Variants in RORA observed in about 807,000 individuals in gnomAD.
RORA encodes RAR related orphan receptor A.
In RORA, 7 loss-of-function variants were observed where a neutral mutation model predicts 69.5. The ratio of observed to expected loss-of-function variants is 0.10; its 90% CI spans 0.06 to 0.19. The LOEUF (loss-of-function observed/expected upper bound fraction) is 0.19. RORA is among the 10% of genes least tolerant of loss of function. RORA has a pLI of 1.00. For synonymous variants in RORA, 261 were observed against 240.8 expected (o/e 1.08, Z -0.78); for missense variants, 457 against 663.0 (o/e 0.69, Z 3.41).
chr15:60,741,515 G>A lies in RORA; in HGVS notation c.167-62829C>T, dbSNP rs546167056. On this transcript the variant is annotated intron_variant, in intron 1 of 10. Transcript: ENST00000335670. Reference sequence around the variant, plus strand: ...AGAGAATGGAATAAAGCAGAGGATAGGGTCAGACAGACTGAAAATTCTCAG... The same window carrying A: ...AGAGAATGGAATAAAGCAGAGGATAAGGTCAGACAGACTGAAAATTCTCAG... 7.9e-5 allele frequency among the ~76,000 whole-genome samples: 12 copies of A among 152,348 alleles called. No individual in the cohort carries two copies. In the East Asian group the frequency reaches 1.3e-3, roughly 17 times the overall value.
chr15:61,018,672 T>C (rs1311238459), intron 1 of RORA, among the ~76,000 whole-genome samples: 1 of 152,176 alleles, frequency 6.6e-6, no homozygotes, highest in Non-Finnish European at 1.5e-5. Flanking sequence ...AACATGTGCA[T>C]AGGTACTCAT....
At chr15:61,020,549 TACAAC>T (rs1895474360) in intron 1 of RORA, among the ~76,000 whole-genome samples, 1 of 152,190 alleles carries the variant, frequency 6.6e-6, no homozygotes, top group Non-Finnish European at 1.5e-5. Context: ...TGGCTATTGT[TACAAC>T]AACCAAGGCT....
chr15:61,013,853 G>A (rs1390681037), intron 1 of RORA, among the ~76,000 whole-genome samples: 2 of 144,234 alleles, frequency 1.4e-5, no homozygotes, highest in Non-Finnish European at 3.0e-5. Flanking sequence ...GCGCAATTTC[G>A]GCTCACTGCA....
intron 1 of RORA, among the ~76,000 whole-genome samples, chr15:61,018,505 G>T (rs776958610): frequency 6.6e-6 from 1 of 152,158 alleles, no homozygotes; most frequent in Non-Finnish European, 1.5e-5. Context: ...GTATGTGTAT[G>T]TGTAGTGTGT....
At position 60,492,006 on chromosome 15, in the gene RORA, CATGTT is replaced by C. The variant is rs2065049166; in HGVS notation, c.*5444_*5448del. ...ATAACTTTATAAGAAGTGGCAATCA[CATGTT>C]ATGTAAAAATGTCAACGTGTGTGTG... On this transcript the variant is annotated 3_prime_UTR_variant, in exon 11 of 11. Transcript: ENST00000335670. 1.7e-5 allele frequency: 1 copy of C among 58,526 alleles called. No individual in the cohort carries two copies. The highest frequency in any genetic ancestry group is 3.6e-5 in the Non-Finnish European group (1 of 28,146). The allele number at this position is 58,526 out of a possible 1,614,324, so 3.6% of individuals were successfully genotyped here.
intron 1 of RORA, among the ~76,000 whole-genome samples, chr15:60,893,446 TC>T (rs1424514570): frequency 6.6e-6 from 1 of 152,156 alleles, no homozygotes; most frequent in Non-Finnish European, 1.5e-5. Context: ...AAACCCCCAC[TC>T]CGCGCCCCTG....
chr15:60,731,395 T>C (rs1000772870), intron 1 of RORA, among the ~76,000 whole-genome samples: 4 of 152,184 alleles, frequency 2.6e-5, no homozygotes, highest in African/African-American at 9.7e-5. Context: ...CATGCTTCCA[T>C]CTGAAAACAC....
In RORA at chr15:60,499,996, A is replaced by G; in HGVS notation, c.1303T>C (p.Trp435Arg). Residue 435 changes from tryptophan (W) to arginine (R), a missense_variant, in exon 10 of 11, where the codon TGG becomes CGG. Coordinates refer to ENST00000335670, the MANE Select transcript of RORA (RefSeq NM_134261.3). ...AFVLMSADRS[W>R]LQEKVKIEKL... Reference sequence around the variant, plus strand: ...TCAATTTTTACCTTTTCTTGCAGCCATGAGCGATCTAAGCATAAAAAAATG... The same window carrying G: ...TCAATTTTTACCTTTTCTTGCAGCCGTGAGCGATCTAAGCATAAAAAAATG... The G allele has an allele frequency of 6.2e-7, 1 of 1,606,096 alleles. No homozygotes were observed. Among genetic ancestry groups the G allele is most frequent in the Non-Finnish European group, 8.5e-7 (1 of 1,173,610 alleles).
chr15:60,655,769 G>A (rs2140706913), intron 2 of RORA, among the ~76,000 whole-genome samples: 1 of 152,246 alleles, frequency 6.6e-6, no homozygotes, highest in Non-Finnish European at 1.5e-5. Flanking sequence ...ACAGACACAT[G>A]TATTTGTCAA....
chr15:61,000,493 G>A (rs990313814), intron 1 of RORA, among the ~76,000 whole-genome samples: 10 of 152,148 alleles, frequency 6.6e-5, no homozygotes, highest in Non-Finnish European at 1.2e-4. Context: ...TCAAAGGCAA[G>A]GAGATCCTTG....
At chr15:61,048,692 A>AT (rs1219605449) in intron 1 of RORA, among the ~76,000 whole-genome samples, 2 of 152,194 alleles carry the variant, frequency 1.3e-5, no homozygotes, top group African/African-American at 4.8e-5. Flanking sequence ...CGAGTCCAAC[A>AT]GGACCCATAG....
intron 2 of RORA, among the ~76,000 whole-genome samples, chr15:60,622,678 A>G (rs1444256708): frequency 6.6e-6 from 1 of 152,192 alleles, no homozygotes; most frequent in Admixed American, 6.5e-5. Context: ...TTTTATTACC[A>G]TCATTCTGAA....
chr15:61,011,023 T>C (rs901441824), intron 1 of RORA, among the ~76,000 whole-genome samples: 4 of 152,224 alleles, frequency 2.6e-5, no homozygotes, highest in African/African-American at 9.6e-5. Context: ...TACTTCATGA[T>C]ATAAAAAGAT....
intron 1 of RORA, 70 bp downstream of exon 1, chr15:61,228,983 C>A: frequency 1.1e-6 from 1 of 871,374 alleles, no homozygotes; most frequent in Non-Finnish European, 1.4e-6. Flanking sequence ...CGGGCGCCCG[C>A]TCCCGGCCGC....
chr15:60,805,897 T>TA (rs1378878549), intron 1 of RORA, among the ~76,000 whole-genome samples: 1 of 152,238 alleles, frequency 6.6e-6, no homozygotes, highest in African/African-American at 2.4e-5. Flanking sequence ...CAATGTTCAA[T>TA]ACCAAATTGG....
intron 1 of RORA, among the ~76,000 whole-genome samples, chr15:60,830,590 C>G (rs999979137): frequency 6.6e-6 from 1 of 152,214 alleles, no homozygotes; most frequent in Non-Finnish European, 1.5e-5. Context: ...CTGTAACTGT[C>G]TTAGTGGCTG....
chr15:60,870,615 T>C (rs1019189723), intron 1 of RORA, among the ~76,000 whole-genome samples: 2 of 152,228 alleles, frequency 1.3e-5, no homozygotes, highest in African/African-American at 2.4e-5. Flanking sequence ...AGTTTATAAC[T>C]GTATATGCGT....
chr15:61,039,038 G>C (rs1435527999), intron 1 of RORA: 2 of 152,182 alleles, frequency 1.3e-5, no homozygotes, highest in African/African-American at 2.4e-5. Flanking sequence ...GAGACTCACG[G>C]GATATTTGTG....
chr15:60,984,810 T>TTTTC (rs1227919891), intron 1 of RORA, among the ~76,000 whole-genome samples: 2 of 151,878 alleles, frequency 1.3e-5, no homozygotes, highest in Non-Finnish European at 1.5e-5. Context: ...TCTTTTTTTT[T>TTTTC]TTTTTTCCTG....
Sources: allele counts gnomAD v4.1 joint callset (sites outside exome capture counted in the v4.1 genomes callset), GRCh38; gene constraint gnomAD v4.1.1; transcripts MANE v1.5; gene names NCBI Gene and HGNC (gene_info 2026-07-23, HGNC 2026-07-21).